The following SLC35A1 variants were observed in gnomAD, a reference collection of about 807,000 sequenced individuals.
SLC35A1 encodes CMP-sialic acid transporter.
Under a neutral mutation model 40.3 loss-of-function variants are expected in SLC35A1, and 21 were observed. That is an observed-to-expected ratio of 0.52 (90% CI 0.37 to 0.75). The LOEUF (loss-of-function observed/expected upper bound fraction) is 0.75. SLC35A1 is among the 30% of genes least tolerant of loss of function. SLC35A1 has a pLI of 0.00. For missense variants in SLC35A1, 297 were observed against 382.1 expected, an observed-to-expected ratio of 0.78 and a Z score of 1.86; for synonymous variants, 146 against 147.3, an observed-to-expected ratio of 0.99 and a Z score of 0.06.
rs1769067971 is a variant in SLC35A1 at position 87,476,309 on chromosome 6, A to G, written c.17-1053A>G. On this transcript the variant is annotated intron_variant, in intron 1 of 7. Transcript: ENST00000369552. ...AGTTCTTATTGTGAAAAAGTTTTAT[A>G]TTAAGCCCCACTCATTTCTCAATTA... Among the ~76,000 whole-genome samples the G allele has an allele frequency of 2.0e-5, 3 of 152,348 alleles. No homozygotes were observed. The South Asian group carries it at 6.2e-4, about 32-fold the overall frequency.
chr6:87,480,162 A>T (rs1769204736), intron 2 of SLC35A1, among the ~76,000 whole-genome samples: 1 of 152,152 alleles, frequency 6.6e-6, no homozygotes, highest in African/African-American at 2.4e-5. Context: ...GAAATGCCAA[A>T]TTTTTCCCCG....
chr6:87,503,052 C>T (rs1168070512), intron 4 of SLC35A1, among the ~76,000 whole-genome samples: 6 of 152,170 alleles, frequency 3.9e-5, no homozygotes, highest in African/African-American at 7.2e-5. Flanking sequence ...TTGGGTATTA[C>T]GCTTTCCAGA....
chr6:87,485,090 G>C (rs567030882), intron 2 of SLC35A1, among the ~76,000 whole-genome samples: 1 of 152,318 alleles, frequency 6.6e-6, no homozygotes, highest in South Asian at 2.1e-4. Context: ...AGGCAAACAG[G>C]ATGTTATCTA....
intron 2 of SLC35A1, among the ~76,000 whole-genome samples, chr6:87,485,972 TA>T (rs1769377423): frequency 6.6e-6 from 1 of 152,214 alleles, no homozygotes; most frequent in Admixed American, 6.5e-5. Flanking sequence ...AAACTATGAT[TA>T]AATGAAGTAA....
At chr6:87,478,790 A>G (rs1769159068) in intron 2 of SLC35A1, among the ~76,000 whole-genome samples, 1 of 152,182 alleles carries the variant, frequency 6.6e-6, no homozygotes. Flanking sequence ...CGAATACAAA[A>G]TTTTCTTTTT....
At chr6:87,494,609 T>A (rs1005758964) in intron 2 of SLC35A1, among the ~76,000 whole-genome samples, 7 of 151,922 alleles carry the variant, frequency 4.6e-5, no homozygotes, top group Non-Finnish European at 1.0e-4. Context: ...TATTTTTTAG[T>A]AGAGACGGGG....
chr6:87,478,929 T>C (rs996671382), intron 2 of SLC35A1, among the ~76,000 whole-genome samples: 2 of 152,226 alleles, frequency 1.3e-5, no homozygotes, highest in Non-Finnish European at 2.9e-5. Context: ...TCTATGGCTC[T>C]GTCGTTCCCC....
intron 7 of SLC35A1, among the ~76,000 whole-genome samples, chr6:87,510,191 C>T (rs1770221614): frequency 6.6e-6 from 1 of 152,200 alleles, no homozygotes; most frequent in Non-Finnish European, 1.5e-5. Flanking sequence ...TAGTGTTTGA[C>T]ACTACTTACC....
intron 7 of SLC35A1, among the ~76,000 whole-genome samples, chr6:87,511,161 C>G (rs552820834): frequency 7.2e-5 from 11 of 152,154 alleles, no homozygotes; most frequent in African/African-American, 2.6e-4. Context: ...GTTAGGCATA[C>G]TCATGTTCTA....
intron 2 of SLC35A1, among the ~76,000 whole-genome samples, chr6:87,497,139 C>T (rs1284540566): frequency 6.6e-6 from 1 of 151,848 alleles, no homozygotes; most frequent in Non-Finnish European, 1.5e-5. Flanking sequence ...CCTAAATCTC[C>T]TCTACTTTCT....
chr6:87,506,368 A>G lies in SLC35A1; in HGVS notation c.508-14A>G, dbSNP rs1770083594. The G allele has an allele frequency of 1.2e-6, 2 of 1,605,396 alleles. No homozygotes were observed. The highest frequency in any genetic ancestry group is 1.7e-5 in the Admixed American group (1 of 59,990). On this transcript the variant is annotated splice_polypyrimidine_tract_variant and intron_variant, in intron 4 of 7. Transcript: ENST00000369552. ...ATTAGTCACTAAAAATAACTTTAAC[A>G]ATTAATATTGCAGGTGGAACAAAAT...
intron 2 of SLC35A1, among the ~76,000 whole-genome samples, chr6:87,478,719 C>T (rs879906449): frequency 3.9e-5 from 6 of 152,082 alleles, no homozygotes; most frequent in Admixed American, 6.5e-5. Context: ...TGAAGTAGTT[C>T]GAATATGAAA....
chr6:87,500,731 C>T (rs1344952531), intron 3 of SLC35A1, 64 bp downstream of exon 3: 2 of 1,465,982 alleles, frequency 1.4e-6, no homozygotes, highest in Non-Finnish European at 1.9e-6. Flanking sequence ...TTTTTATTAA[C>T]TCTTTATCAT....
intron 2 of SLC35A1, among the ~76,000 whole-genome samples, chr6:87,485,063 AAG>A (rs1419318684): frequency 6.6e-6 from 1 of 152,226 alleles, no homozygotes; most frequent in African/African-American, 2.4e-5. Flanking sequence ...GTAATTCAAA[AAG>A]AGTAAGTAGA....
At chr6:87,490,974 G>A (rs1405667972) in intron 2 of SLC35A1, among the ~76,000 whole-genome samples, 1 of 152,210 alleles carries the variant, frequency 6.6e-6, no homozygotes, top group Admixed American at 6.5e-5. Context: ...TATTGAGAAT[G>A]GCAGGCTGCC....
rs551219178 is a variant in SLC35A1, at chr6:87,499,391, C to T, written c.195-1117C>T. Among the ~76,000 whole-genome samples the T allele has an allele frequency of 2.6e-5, 4 of 152,292 alleles. No individual in the cohort carries two copies. In the South Asian group the frequency reaches 8.3e-4, roughly 32 times the overall value. On this transcript the variant is annotated intron_variant, in intron 2 of 7. Transcript: ENST00000369552. ...GGATATCGTGAGCTGCAGTTAGGAC[C>T]ATTATTATAAAGCACTTCTTTTGGG...
At chr6:87,505,229 T>C (rs115712032) in intron 4 of SLC35A1, among the ~76,000 whole-genome samples, 108 of 152,340 alleles carry the variant, frequency 7.1e-4, no homozygotes, top group African/African-American at 2.4e-3. Flanking sequence ...ATCAGGCTTA[T>C]TTATTTTGAA....
intron 2 of SLC35A1, among the ~76,000 whole-genome samples, chr6:87,489,898 C>CAGTATTT (rs1453719831): frequency 6.6e-6 from 1 of 150,420 alleles, no homozygotes; most frequent in East Asian, 1.9e-4. Context: ...CAGACAAAGA[C>CAGTATTT]AGTATTTAAC....
At chr6:87,485,275 A>G (rs1769361226) in intron 2 of SLC35A1, among the ~76,000 whole-genome samples, 1 of 152,216 alleles carries the variant, frequency 6.6e-6, no homozygotes, top group African/African-American at 2.4e-5. Context: ...TTTCCCATGT[A>G]ATGTTAAAAT....
Sources: allele counts gnomAD v4.1 joint callset (sites outside exome capture counted in the v4.1 genomes callset), GRCh38; gene constraint gnomAD v4.1.1; transcripts MANE v1.5; gene names NCBI Gene and HGNC (gene_info 2026-07-23, HGNC 2026-07-21).